NCKAP1L: variants seen among roughly 807,000 people sequenced by gnomAD.
NCKAP1L encodes the protein NCK associated protein 1 like.
Under a neutral mutation model 139.2 loss-of-function variants are expected in NCKAP1L, and 53 were observed. The observed-to-expected ratio is 0.38, with a 90% CI of 0.31 to 0.48. The LOEUF is 0.48. NCKAP1L is among the 20% of genes least tolerant of loss of function. The pLI is 0.98. For missense variants in NCKAP1L, 1,151 were observed against 1,381.9 expected (o/e 0.83, Z 2.65); for synonymous variants, 468 against 499.7 (o/e 0.94, Z 0.85).
chr12:54,538,533 T>G (rs984173271), intron 29 of NCKAP1L, among the ~76,000 whole-genome samples: 7 of 152,198 alleles, frequency 4.6e-5, no homozygotes, highest in South Asian at 2.1e-4. Context: ...GAGTCAGCCA[T>G]AAACAGCCTG....
In NCKAP1L at chr12:54,544,288, T is replaced by C. The variant is rs759123033; in HGVS notation, c.*1603T>C. ...CAGAAGTATCTGAACAACTACTCTA[T>C]ATGTTTATATTTTTCTGCTTGAGGG... On this transcript the variant is annotated 3_prime_UTR_variant, in exon 31 of 31. Coordinates refer to ENST00000293373, the MANE Select transcript of NCKAP1L (RefSeq NM_005337.5). The C allele has an allele frequency of 3.3e-5, 5 of 152,188 alleles. No individual in the cohort carries two copies. Among genetic ancestry groups the C allele is most frequent in the Non-Finnish European group, 5.9e-5 (4 of 68,038 alleles). The allele number at this position is 152,188 out of a possible 1,614,324, so 9.4% of individuals were successfully genotyped here.
At chr12:54,539,869 T>C (rs1442587149) in intron 30 of NCKAP1L, among the ~76,000 whole-genome samples, 2 of 152,202 alleles carry the variant, frequency 1.3e-5, no homozygotes, top group African/African-American at 2.4e-5. Context: ...GTTAAACTTC[T>C]TCCTACTGAG....
intron 1 of NCKAP1L, 44 bp from the exon 2 acceptor site, chr12:54,499,311 G>T: frequency 9.5e-7 from 1 of 1,056,832 alleles, no homozygotes; most frequent in Non-Finnish European, 1.5e-6. Flanking sequence ...ATGTTTCTGA[G>T]GAGGAGGAGA....
At chr12:54,500,803 A>C in intron 3 of NCKAP1L, 178 bp downstream of exon 3, 1 of 543,532 alleles carries the variant, frequency 1.8e-6, no homozygotes, top group Admixed American at 3.3e-5. Context: ...AGTATATGAT[A>C]CATCACATTT....
At chr12:54,502,823 C>CAAAA (rs780466592) in intron 3 of NCKAP1L, among the ~76,000 whole-genome samples, 689 of 57,734 alleles carry the variant, frequency 0.012, 20 homozygotes, top group Non-Finnish European at 0.016. Context: ...CCCATCTACA[C>CAAAA]AAAAAAAAAA....
chr12:54,501,939 G>A (rs566926510), intron 3 of NCKAP1L, among the ~76,000 whole-genome samples: 30 of 152,340 alleles, frequency 2.0e-4, no homozygotes, highest in African/African-American at 7.0e-4. Flanking sequence ...CCCAGTGGGT[G>A]TGAGGTATTA....
chr12:54,546,464 T>C lies in NCKAP1L; in HGVS notation c.*3779T>C, dbSNP rs1298636982. 6.6e-6 allele frequency: 1 copy of C among 151,564 alleles called. No individual in the cohort carries two copies. The highest frequency in any genetic ancestry group is 1.5e-5 in the Non-Finnish European group (1 of 67,998). 9.4% of individuals were successfully genotyped at this position (151,564 alleles called of 1,614,324 possible). ...AGGAAGGGAACAACTGTGCTGTGAA[T>C]ACCAGGATCCAGGAGGGAGGGAGGG... is the stretch of plus-strand genomic sequence containing the variant. On this transcript the variant is annotated 3_prime_UTR_variant, in exon 31 of 31. Coordinates refer to ENST00000293373, the MANE Select transcript of NCKAP1L (RefSeq NM_005337.5).
intron 19 of NCKAP1L, 32 bp downstream of exon 19, chr12:54,523,571 G>T (rs1957003764): frequency 6.3e-7 from 1 of 1,584,194 alleles, no homozygotes. Context: ...GGCCAGCTGG[G>T]TACTGCATCA....
In NCKAP1L at chr12:54,523,925, C is replaced by G. The variant is rs986890005; in HGVS notation, c.2125C>G (p.Leu709Val). Residue 709 changes from leucine to valine, a missense_variant, in exon 20 of 31, where the codon CTC becomes GTC. Leu to Val is a conservative substitution (Grantham distance 32, BLOSUM62 1). Coordinates refer to ENST00000293373, the MANE Select transcript of NCKAP1L (RefSeq NM_005337.5). Reference sequence around the variant, plus strand: ...ACATACTATCTTCCCTTCTGAGTACCTCAGCAGCCACCTGGAGGCCAGACT... The same window carrying G: ...ACATACTATCTTCCCTTCTGAGTACGTCAGCAGCCACCTGGAGGCCAGACT... Reference protein sequence around the residue: ...FEHTIFPSEYLSSHLEARLNR... With the variant: ...FEHTIFPSEYVSSHLEARLNR... 2.5e-6 allele frequency: 4 copies of G among 1,613,966 alleles called. No homozygotes were observed. The African/African-American group carries it at 4.0e-5, about 16-fold the overall frequency.
rs1176167534 is a variant in NCKAP1L at position 54,516,382 on chromosome 12, C to T, written c.998+87C>T. 5.6e-6 allele frequency: 7 copies of T among 1,253,272 alleles called. No individual in the cohort carries two copies. In the Admixed American group the frequency reaches 7.0e-5, roughly 13 times the overall value. The allele number at this position is 1,253,272 out of a possible 1,614,324, so 77.6% of individuals were successfully genotyped here. ...TTCTCACCTAAGCCATCCTTAGTTTCTGTACAGCTTTATTGCCTCAACCCA... is the reference window on the plus strand; with the variant it reads ...TTCTCACCTAAGCCATCCTTAGTTTTTGTACAGCTTTATTGCCTCAACCCA... On this transcript the variant is annotated intron_variant, in intron 10 of 30. Coordinates refer to ENST00000293373, the MANE Select transcript of NCKAP1L (RefSeq NM_005337.5).
intron 26 of NCKAP1L, among the ~76,000 whole-genome samples, chr12:54,533,071 A>G (rs1377875704): frequency 6.6e-6 from 1 of 152,220 alleles, no homozygotes; most frequent in Non-Finnish European, 1.5e-5. Flanking sequence ...TTCCACCTCT[A>G]TCTGCCTAAA....
At chr12:54,537,592 A>C (rs1350309447) in intron 29 of NCKAP1L, among the ~76,000 whole-genome samples, 1 of 152,172 alleles carries the variant, frequency 6.6e-6, no homozygotes, top group African/African-American at 2.4e-5. Context: ...TTGTAGAGAC[A>C]CTGAGTTTTA....
intron 3 of NCKAP1L, among the ~76,000 whole-genome samples, chr12:54,502,901 G>A (rs1353196625): frequency 2.0e-5 from 3 of 150,586 alleles, no homozygotes; most frequent in Non-Finnish European, 4.4e-5. Flanking sequence ...AGGAGGCTGA[G>A]GCAGGAGGAT....
intron 1 of NCKAP1L, chr12:54,498,914 T>C: frequency 7.7e-6 from 1 of 129,206 alleles, no homozygotes; most frequent in South Asian, 4.8e-4. Flanking sequence ...TTTATTTTTA[T>C]ATTTATTTAT....
chr12:54,510,070 A>G, intron 7 of NCKAP1L, 85 bp downstream of exon 7: 1 of 1,514,098 alleles, frequency 6.6e-7, no homozygotes, highest in Admixed American at 1.8e-5. Flanking sequence ...TTCAGGAAAT[A>G]TCAGTACTAA....
At chr12:54,520,475 T>C (rs1198398681) in intron 16 of NCKAP1L, among the ~76,000 whole-genome samples, 1 of 152,196 alleles carries the variant, frequency 6.6e-6, no homozygotes, top group Non-Finnish European at 1.5e-5. Context: ...TATAAAAGTC[T>C]GGAAGGATTA....
intron 3 of NCKAP1L, among the ~76,000 whole-genome samples, chr12:54,506,792 A>ATATATATATATATATATAT (rs1555170876): frequency 2.6e-4 from 6 of 23,154 alleles, no homozygotes; most frequent in African/African-American, 6.0e-4. Flanking sequence ...TATTAAAAAA[A>ATATATATATATATATATAT]AAAAATATAT....
chr12:54,542,699 C>A lies in NCKAP1L; in HGVS notation c.*14C>A, dbSNP rs752083699. 6 of 1,586,470 alleles carry A rather than the reference C, an allele frequency of 3.8e-6. No individual in the cohort carries two copies. The African/African-American group carries it at 6.7e-5, about 18-fold the overall frequency. On this transcript the variant is annotated 3_prime_UTR_variant, in exon 31 of 31. Transcript: ENST00000293373. ...CACCTAAACTGAATGCCTGCCAGTACCCACTGAAGAGCCCTTTGGACCTTC... is the reference window on the plus strand; with the variant it reads ...CACCTAAACTGAATGCCTGCCAGTAACCACTGAAGAGCCCTTTGGACCTTC...
chr12:54,518,587 T>C (rs775594536), intron 13 of NCKAP1L, 64 bp from the exon 14 acceptor site: 1 of 1,221,406 alleles, frequency 8.2e-7, no homozygotes. Flanking sequence ...CTGAGCCTCA[T>C]GGTCCTAGTT....
Sources: gnomAD v4.1 joint callset for allele counts (sites outside exome capture counted in the v4.1 genomes callset) on GRCh38, gnomAD v4.1.1 for gene constraint, MANE v1.5 for transcripts, NCBI Gene and HGNC (gene_info 2026-07-23, HGNC 2026-07-21) for gene names.